The following PPP2R2C variants were observed in gnomAD, a reference collection of about 807,000 sequenced individuals.
PPP2R2C encodes protein phosphatase 2 regulatory subunit Bgamma, also known as protein phosphatase 2, regulatory subunit B, gamma.
Under a neutral mutation model 45.3 loss-of-function variants are expected in PPP2R2C, and 10 were observed. The observed-to-expected ratio is 0.22, with a 90% confidence interval of 0.14 to 0.37. The LOEUF (loss-of-function observed/expected upper bound fraction) is 0.37. PPP2R2C is among the 10% of genes least tolerant of loss of function. The pLI, the probability that PPP2R2C is intolerant of heterozygous loss-of-function variation, is 1.00. For missense variants in PPP2R2C, 308 were observed against 619.7 expected (o/e 0.50, Z 5.34); for synonymous variants, 257 against 245.4 (o/e 1.05, Z -0.44).
intron 2 of PPP2R2C, among the ~76,000 whole-genome samples, chr4:6,515,386 C>G (rs1005714755): frequency 1.1e-4 from 16 of 152,312 alleles, no homozygotes; most frequent in African/African-American, 2.9e-4. Flanking sequence ...AGGCCAAAGG[C>G]TGGGAGGCAG....
intron 5 of PPP2R2C, among the ~76,000 whole-genome samples, chr4:6,352,087 T>C (rs1179753431): frequency 1.3e-5 from 2 of 152,024 alleles, no homozygotes; most frequent in Non-Finnish European, 2.9e-5. Context: ...GAACACAGCT[T>C]TCTGCCCCAC....
At chr4:6,526,574 G>A (rs1382540443) in intron 2 of PPP2R2C, among the ~76,000 whole-genome samples, 6 of 152,328 alleles carry the variant, frequency 3.9e-5, no homozygotes, top group African/African-American at 9.6e-5. Flanking sequence ...GGTCGTGAAC[G>A]CTCCATGTTG....
rs887799553 is a variant in PPP2R2C at position 6,545,833 on chromosome 4, A to T, written c.-58-10456T>A. 4.6e-5 allele frequency among the ~76,000 whole-genome samples: 7 copies of T among 152,204 alleles called. 1 individual carries two copies. The highest frequency in any genetic ancestry group is 1.0e-4 in the Non-Finnish European group (7 of 68,034). The stretch of plus-strand genomic sequence containing the variant: ...TCTCTTAGGGCCATCACATGGATTC[A>T]AGCAAGATATTGTAGCAAAATCAGT... On this transcript the variant is annotated intron_variant, in intron 1 of 9. Coordinates refer to the PPP2R2C transcript ENST00000506140.
At chr4:6,404,946 C>G (rs1717696389) in intron 1 of PPP2R2C, among the ~76,000 whole-genome samples, 1 of 152,220 alleles carries the variant, frequency 6.6e-6, no homozygotes, top group South Asian at 2.1e-4. Context: ...GCACCTCTGC[C>G]TACCTCAACT....
At chr4:6,525,484 G>A (rs867505791) in intron 2 of PPP2R2C, among the ~76,000 whole-genome samples, 6 of 147,318 alleles carry the variant, frequency 4.1e-5, no homozygotes, top group African/African-American at 7.6e-5. Flanking sequence ...TTGGCCAAAC[G>A]GACTCCAGAG....
In PPP2R2C at chr4:6,562,962, C is replaced by CAAAAA. The variant is rs746793663; in HGVS notation, c.-59+593_-59+597dup. On this transcript the variant is annotated intron_variant, in intron 1 of 9. Transcript: ENST00000506140. ...ACTGTCATGGACTGTCCCTGCCAGC[C>CAAAAA]AAAAAAAAAAAAAAAAGGCTTCTCC... Among the ~76,000 whole-genome samples the CAAAAA allele has an allele frequency of 7.5e-3, 627 of 83,208 alleles. 8 individuals are homozygous for CAAAAA. The highest frequency in any genetic ancestry group is 0.027 in the African/African-American group (596 of 21,804). The allele number at this position is 83,208 out of a possible 152,430, so 54.6% of individuals were successfully genotyped here.
At chr4:6,494,361 C>T (rs527368657) in intron 2 of PPP2R2C, among the ~76,000 whole-genome samples, 179 of 152,328 alleles carry the variant, frequency 1.2e-3, no homozygotes, top group Non-Finnish European at 2.1e-3. Context: ...ATCCCTCACT[C>T]TCCCCACATT....
chr4:6,538,826 C>T (rs527753729), intron 1 of PPP2R2C, among the ~76,000 whole-genome samples: 13 of 152,330 alleles, frequency 8.5e-5, no homozygotes, highest in African/African-American at 3.1e-4. Flanking sequence ...CCTCCCGGCC[C>T]TGCTGCTTGA....
At chr4:6,466,284 A>C (rs1167169131) in intron 1 of PPP2R2C, among the ~76,000 whole-genome samples, 1 of 152,152 alleles carries the variant, frequency 6.6e-6, no homozygotes, top group Non-Finnish European at 1.5e-5. Context: ...GTCCCATCAG[A>C]TTTCGCTTAC....
chr4:6,373,326 G>A (rs192416293), intron 4 of PPP2R2C, among the ~76,000 whole-genome samples: 6 of 152,308 alleles, frequency 3.9e-5, no homozygotes, highest in East Asian at 3.9e-4. Context: ...TTCCGTGCTC[G>A]GCCCTGGACT....
At chr4:6,503,216 C>T (rs998394338) in intron 2 of PPP2R2C, among the ~76,000 whole-genome samples, 2 of 152,178 alleles carry the variant, frequency 1.3e-5, no homozygotes, top group Non-Finnish European at 2.9e-5. Flanking sequence ...ACCTCATGAC[C>T]TCCTCCCTTC....
intron 2 of PPP2R2C, 55 bp downstream of exon 2, chr4:6,380,942 C>T (rs1227706217): frequency 1.4e-6 from 2 of 1,459,522 alleles, no homozygotes; most frequent in Non-Finnish European, 9.1e-7. Flanking sequence ...GCCCGCCTCC[C>T]ACCTGACTCT....
chr4:6,456,316 C>A (rs908696835), intron 1 of PPP2R2C, among the ~76,000 whole-genome samples: 3 of 145,432 alleles, frequency 2.1e-5, no homozygotes, highest in African/African-American at 7.5e-5. Flanking sequence ...TTCCCCCCCC[C>A]CCCTTTATTC....
At chr4:6,411,173 CT>C (rs1209391322) in intron 1 of PPP2R2C, among the ~76,000 whole-genome samples, 1 of 152,096 alleles carries the variant, frequency 6.6e-6, no homozygotes, top group African/African-American at 2.4e-5. Flanking sequence ...TACCTGGCCC[CT>C]AATCCCATTT....
At position 6,398,737 on chromosome 4, in the gene PPP2R2C, C is replaced by T. The variant is rs539001676; in HGVS notation, c.71-17643G>A. On this transcript the variant is annotated intron_variant, in intron 1 of 8. Coordinates refer to ENST00000382599, the MANE Select transcript of PPP2R2C (RefSeq NM_020416.4). ...GCACGGGTCTACCATGCGAACCAAC[C>T]ATCCTTGTAACCAAGAGTCACGAAA... Among the ~76,000 whole-genome samples the T allele has an allele frequency of 2.4e-4, 37 of 152,276 alleles. No individual in the cohort carries two copies. In the East Asian group the frequency reaches 7.1e-3, roughly 29 times the overall value.
chr4:6,355,282 G>A (rs56363480), intron 5 of PPP2R2C, among the ~76,000 whole-genome samples: 41,237 of 151,756 alleles, frequency 0.27, 5,776 homozygotes, highest in Non-Finnish European at 0.3. Flanking sequence ...CATCTCAAGG[G>A]GAAGCAGCTG....
At chr4:6,407,324 G>A (rs890845530) in intron 1 of PPP2R2C, among the ~76,000 whole-genome samples, 38 of 152,256 alleles carry the variant, frequency 2.5e-4, no homozygotes, top group African/African-American at 6.3e-4. Context: ...ACACAAGTCA[G>A]GATGAATGGA....
intron 2 of PPP2R2C, among the ~76,000 whole-genome samples, chr4:6,489,017 G>C (rs1158686234): frequency 1.4e-5 from 2 of 141,990 alleles, no homozygotes; most frequent in African/African-American, 5.7e-5. Context: ...CTCCAGAGCT[G>C]TCTTTCTTTG....
At chr4:6,419,103 G>A (rs1429183313) in intron 1 of PPP2R2C, among the ~76,000 whole-genome samples, 2 of 152,150 alleles carry the variant, frequency 1.3e-5, no homozygotes, top group Non-Finnish European at 2.9e-5. Context: ...ATTTTCAAAG[G>A]GTTGTGAAAC....
Sources: allele counts gnomAD v4.1 joint callset (sites outside exome capture counted in the v4.1 genomes callset), GRCh38; gene constraint gnomAD v4.1.1; transcripts MANE v1.5; gene names NCBI Gene and HGNC (gene_info 2026-07-23, HGNC 2026-07-21).